TMEM108: variants seen among roughly 807,000 people sequenced by gnomAD.
TMEM108 encodes the protein cancer/testis antigen 124.
Under a neutral mutation model 35.1 loss-of-function variants are expected in TMEM108, and 12 were observed. That is an observed-to-expected ratio of 0.34 (90% CI 0.22 to 0.55). The LOEUF (loss-of-function observed/expected upper bound fraction) is 0.55. Ranked by LOEUF, TMEM108 falls within the 20% of genes least tolerant of loss-of-function variation. The probability of loss-of-function intolerance (pLI) is 0.89; values close to 1 mark genes in which losing one functional copy is unlikely to be tolerated. For synonymous variants in TMEM108, 287 were observed against 308.6 expected, an observed-to-expected ratio of 0.93 and a Z score of 0.73; for missense variants, 680 against 753.3, an observed-to-expected ratio of 0.90 and a Z score of 1.14.
At chr3:133,080,995 G>A (rs1041236102) in intron 2 of TMEM108, among the ~76,000 whole-genome samples, 1 of 152,108 alleles carries the variant, frequency 6.6e-6, no homozygotes, top group Non-Finnish European at 1.5e-5. Flanking sequence ...TGACCAGATG[G>A]GTGATCTTGG....
chr3:133,126,686 A>C (rs1056884015), intron 2 of TMEM108, among the ~76,000 whole-genome samples: 10 of 152,152 alleles, frequency 6.6e-5, no homozygotes, highest in African/African-American at 2.2e-4. Flanking sequence ...ATATTATTTC[A>C]ACATGTACAG....
intron 2 of TMEM108, among the ~76,000 whole-genome samples, chr3:133,178,512 A>T (rs906976410): frequency 2.0e-5 from 3 of 151,956 alleles, no homozygotes; most frequent in Admixed American, 6.6e-5. Context: ...CCGCATATCT[A>T]CAACCATCTG....
intron 2 of TMEM108, among the ~76,000 whole-genome samples, chr3:133,200,562 C>T (rs1416242002): frequency 1.3e-5 from 2 of 152,174 alleles, no homozygotes; most frequent in African/African-American, 2.4e-5. Flanking sequence ...ACCCAATCCT[C>T]CCTGCCTCAA....
chr3:133,145,212 A>G (rs1337586940), intron 2 of TMEM108, among the ~76,000 whole-genome samples: 1 of 152,212 alleles, frequency 6.6e-6, no homozygotes, highest in Non-Finnish European at 1.5e-5. Flanking sequence ...ACCTGTTATT[A>G]AATAGGAAAT....
chr3:133,111,615 C>CGT (rs1366559717), intron 2 of TMEM108, among the ~76,000 whole-genome samples: 1 of 151,940 alleles, frequency 6.6e-6, no homozygotes, highest in East Asian at 1.9e-4. Flanking sequence ...TAATATTTTG[C>CGT]GTGCATTTTA....
At chr3:133,158,404 G>A (rs1323954616) in intron 2 of TMEM108, among the ~76,000 whole-genome samples, 1 of 149,464 alleles carries the variant, frequency 6.7e-6, no homozygotes, top group African/African-American at 2.5e-5. Flanking sequence ...GGAGGCGGAG[G>A]TCACAGTGAG....
chr3:133,259,935 G>C (rs1303577806), intron 3 of TMEM108, among the ~76,000 whole-genome samples: 1 of 152,150 alleles, frequency 6.6e-6, no homozygotes, highest in Non-Finnish European at 1.5e-5. Context: ...ATAGGTGAAG[G>C]CGTGTGGTAA....
intron 3 of TMEM108, among the ~76,000 whole-genome samples, chr3:133,252,380 T>A (rs1398884672): frequency 2.0e-5 from 3 of 152,170 alleles, no homozygotes; most frequent in Non-Finnish European, 4.4e-5. Flanking sequence ...GTTGTGTGGC[T>A]AATATGTAGA....
At chr3:133,299,973 CA>C (rs770214608) in intron 3 of TMEM108, among the ~76,000 whole-genome samples, 56 of 152,238 alleles carry the variant, frequency 3.7e-4, no homozygotes, top group African/African-American at 1.3e-3. Flanking sequence ...GAAATAGAAA[CA>C]GCTGATTTCT....
intron 2 of TMEM108, among the ~76,000 whole-genome samples, chr3:133,066,037 A>G (rs374779278): frequency 2.0e-5 from 3 of 152,316 alleles, no homozygotes; most frequent in East Asian, 1.9e-4. Flanking sequence ...TTTTATTGTC[A>G]TAATTCTTCA....
intron 2 of TMEM108, among the ~76,000 whole-genome samples, chr3:133,198,543 G>A (rs746984840): frequency 3.3e-5 from 5 of 152,198 alleles, no homozygotes; most frequent in East Asian, 1.9e-4. Context: ...GCACCTGGTC[G>A]TTTGGATAAG....
chr3:133,291,039 T>C (rs896644427), intron 3 of TMEM108, among the ~76,000 whole-genome samples: 4 of 152,194 alleles, frequency 2.6e-5, no homozygotes, highest in Non-Finnish European at 5.9e-5. Flanking sequence ...TGCTTTTGTA[T>C]GGAGATATTT....
chr3:133,136,420 T>C (rs1944565521), intron 2 of TMEM108, among the ~76,000 whole-genome samples: 1 of 152,212 alleles, frequency 6.6e-6, no homozygotes, highest in African/African-American at 2.4e-5. Flanking sequence ...TACCTGCTCT[T>C]TTTAGCTAGC....
At chr3:133,359,109 C>T (rs757322836) in intron 3 of TMEM108, among the ~76,000 whole-genome samples, 2 of 152,144 alleles carry the variant, frequency 1.3e-5, no homozygotes, top group Non-Finnish European at 2.9e-5. Flanking sequence ...ATCCATCAAG[C>T]CTATAATGTT....
At chr3:133,267,506 T>C (rs945752304) in intron 3 of TMEM108, among the ~76,000 whole-genome samples, 1 of 152,202 alleles carries the variant, frequency 6.6e-6, no homozygotes, top group Non-Finnish European at 1.5e-5. Flanking sequence ...GGAAACTATA[T>C]ACTGTGAATA....
intron 3 of TMEM108, among the ~76,000 whole-genome samples, chr3:133,266,730 T>G (rs545944476): frequency 3.3e-4 from 51 of 152,268 alleles, no homozygotes; most frequent in African/African-American, 1.2e-3. Flanking sequence ...GCATATTGGC[T>G]GACCCATGTG....
chr3:133,174,302 C>T (rs1945177191), intron 2 of TMEM108, among the ~76,000 whole-genome samples: 1 of 152,206 alleles, frequency 6.6e-6, no homozygotes, highest in African/African-American at 2.4e-5. Context: ...ACTTAAATGT[C>T]CCTGTCTGAC....
At chr3:133,123,212 G>A (rs1290303541) in intron 2 of TMEM108, among the ~76,000 whole-genome samples, 1 of 151,998 alleles carries the variant, frequency 6.6e-6, no homozygotes, top group Non-Finnish European at 1.5e-5. Flanking sequence ...CCATTGCATT[G>A]GTTTGCCATA....
chr3:133,278,166 A>G (rs1228819872), intron 3 of TMEM108, among the ~76,000 whole-genome samples: 1 of 152,270 alleles, frequency 6.6e-6, no homozygotes, highest in African/African-American at 2.4e-5. Flanking sequence ...TAACCTTCAG[A>G]CAAATGACCT....
Sources: gnomAD v4.1 joint callset for allele counts (sites outside exome capture counted in the v4.1 genomes callset) on GRCh38, gnomAD v4.1.1 for gene constraint, MANE v1.5 for transcripts, NCBI Gene and HGNC (gene_info 2026-07-23, HGNC 2026-07-21) for gene names.